Variants in DOCK1 observed in about 807,000 individuals in gnomAD.
The protein encoded by DOCK1 is dedicator of cytokinesis 1.
A neutral mutation model predicts 262.7 loss-of-function variants in DOCK1; 138 were observed. The ratio of observed to expected loss-of-function variants is 0.53; its 90% confidence interval spans 0.46 to 0.61. DOCK1 has a LOEUF of 0.61. DOCK1 is among the 20% of genes least tolerant of loss of function. The pLI is 0.00. For synonymous variants in DOCK1, 866 were observed against 867.4 expected (o/e 1.00, Z 0.03); for missense variants, 1,908 against 2,370.7 (o/e 0.80, Z 4.05).
intron 2 of DOCK1, among the ~76,000 whole-genome samples, chr10:126,973,233 G>GTT (rs11354019): frequency 4.9e-5 from 7 of 144,256 alleles, no homozygotes; most frequent in Admixed American, 6.9e-5. Flanking sequence ...TGTGGTGGTG[G>GTT]TTTTTTTTTT....
intron 23 of DOCK1, among the ~76,000 whole-genome samples, chr10:127,066,249 C>T (rs996397612): frequency 2.0e-5 from 3 of 149,988 alleles, no homozygotes; most frequent in Non-Finnish European, 3.0e-5. Context: ...CAGTCAGCCT[C>T]GGAATTCCCT....
chr10:126,931,358 G>A (rs1156866881), intron 1 of DOCK1, among the ~76,000 whole-genome samples: 1 of 152,178 alleles, frequency 6.6e-6, no homozygotes, highest in African/African-American at 2.4e-5. Context: ...AGGTTTGGAG[G>A]GGTGAAGACA....
At chr10:127,181,742 G>A (rs553460545) in intron 27 of DOCK1, among the ~76,000 whole-genome samples, 3 of 152,220 alleles carry the variant, frequency 2.0e-5, no homozygotes, top group East Asian at 1.9e-4. Context: ...CTTCACCACC[G>A]GCTTCCACCG....
intron 23 of DOCK1, among the ~76,000 whole-genome samples, chr10:127,068,499 A>G (rs1004500158): frequency 1.7e-4 from 13 of 77,542 alleles, no homozygotes; most frequent in Non-Finnish European, 3.3e-4. Context: ...GATTTTCATA[A>G]AGGTATCAAG....
intron 28 of DOCK1, among the ~76,000 whole-genome samples, chr10:127,256,515 T>C (rs1258587280): frequency 6.6e-6 from 1 of 152,224 alleles, no homozygotes; most frequent in Non-Finnish European, 1.5e-5. Context: ...CTACCAGGGA[T>C]GTGTGCTTTT....
chr10:127,315,070 A>G (rs1368604601), intron 29 of DOCK1, among the ~76,000 whole-genome samples: 5 of 152,052 alleles, frequency 3.3e-5, no homozygotes, highest in African/African-American at 1.2e-4. Flanking sequence ...GAAACCTGGG[A>G]GGCTCCTCGT....
intron 23 of DOCK1, among the ~76,000 whole-genome samples, chr10:127,092,449 G>A (rs1022225035): frequency 2.0e-5 from 3 of 152,196 alleles, no homozygotes; most frequent in African/African-American, 4.8e-5. Context: ...ACATGGGTCC[G>A]ATTGCTTCTC....
intron 38 of DOCK1, among the ~76,000 whole-genome samples, chr10:127,394,501 C>A (rs1005794004): frequency 6.6e-6 from 1 of 152,060 alleles, no homozygotes; most frequent in Non-Finnish European, 1.5e-5. Context: ...CCTTTGGAAA[C>A]ACAGTTGTTA....
intron 10 of DOCK1, among the ~76,000 whole-genome samples, chr10:127,006,134 C>A (rs1438342108): frequency 6.6e-6 from 1 of 152,186 alleles, no homozygotes; most frequent in Non-Finnish European, 1.5e-5. Context: ...CAGGCCAGCC[C>A]CTGCAGCGGA....
chr10:127,189,359 G>A (rs1396130247), intron 27 of DOCK1, among the ~76,000 whole-genome samples: 1 of 152,206 alleles, frequency 6.6e-6, no homozygotes, highest in Non-Finnish European at 1.5e-5. Context: ...CCTGCCCAGT[G>A]CAGTGTGGGG....
At chr10:127,299,581 G>C (rs1422432032) in intron 29 of DOCK1, among the ~76,000 whole-genome samples, 3 of 152,176 alleles carry the variant, frequency 2.0e-5, no homozygotes, top group African/African-American at 4.8e-5. Context: ...TCTTCCAGAC[G>C]GGCTTCAGAG....
chr10:127,439,353 T>G, intron 49 of DOCK1, 128 bp downstream of exon 49: 2 of 971,886 alleles, frequency 2.1e-6, no homozygotes, highest in Non-Finnish European at 3.0e-6. Flanking sequence ...CTCAGAAACC[T>G]GGGGTCCTCC....
chr10:126,984,898 T>G (rs189798870), intron 4 of DOCK1, among the ~76,000 whole-genome samples: 127 of 152,032 alleles, frequency 8.4e-4, no homozygotes, highest in African/African-American at 2.6e-3. Flanking sequence ...GGAGGCCTGT[T>G]GAACTTATTC....
chr10:127,129,205 G>T (rs945634816), intron 27 of DOCK1, among the ~76,000 whole-genome samples: 1 of 152,044 alleles, frequency 6.6e-6, no homozygotes, highest in African/African-American at 2.4e-5. Flanking sequence ...TTTCCATCCA[G>T]TGAAACAGTT....
chr10:127,100,847 G>A lies in DOCK1; in HGVS notation c.2446-5384G>A, dbSNP rs1485353155. Reference sequence around the variant, plus strand: ...GCGGGCCGGAGTCAGGCTGCAGTGGGAGTGAGGAGGGGTCGTGTGGGAAGT... The same window carrying A: ...GCGGGCCGGAGTCAGGCTGCAGTGGAAGTGAGGAGGGGTCGTGTGGGAAGT... On this transcript the variant is annotated intron_variant, in intron 23 of 51. Coordinates refer to ENST00000623213, the MANE Select transcript of DOCK1 (RefSeq NM_001290223.2). The surrounding 1 kb of genome is among the most constrained non-coding windows in gnomAD (Gnocchi z 5.5). Among the ~76,000 whole-genome samples, 1 of 152,162 alleles carries A rather than the reference G, an allele frequency of 6.6e-6. No homozygotes were observed. Among genetic ancestry groups the A allele is most frequent in the African/African-American group, 2.4e-5 (1 of 41,430 alleles).
At chr10:127,112,117 T>C (rs1359544883) in intron 25 of DOCK1, among the ~76,000 whole-genome samples, 1 of 152,126 alleles carries the variant, frequency 6.6e-6, no homozygotes, top group East Asian at 1.9e-4. Context: ...GTTCAAATGA[T>C]TCTCCTGCCT....
In DOCK1 at chr10:127,000,246, G is replaced by A; in HGVS notation, c.924G>A (p.Glu308=). The stretch of plus-strand genomic sequence containing the variant: ...AGATTGTTCGCGTGGGTCGCATGGA[G>A]CTGAGGGACAACAACACCAGGAAAC... ...VCQIVRVGRM[E]LRDNNTRKLT... Residue 308 remains glutamate, a synonymous_variant, in exon 10 of 52, where the codon GAG becomes GAA. Coordinates refer to ENST00000623213, the MANE Select transcript of DOCK1 (RefSeq NM_001290223.2). 1 of 1,614,068 alleles carries A rather than the reference G, an allele frequency of 6.2e-7. No individual in the cohort carries two copies. The highest frequency in any genetic ancestry group is 8.5e-7 in the Non-Finnish European group (1 of 1,179,902).
rs117294291 is a variant in DOCK1 at position 127,327,012 on chromosome 10, C to T, written c.3045-11994C>T. ...CAGTGGGCTTAAAACATTCAGTAAACCATGCTCCAAACAGATGTGCTGTCA... is the reference window on the plus strand; with the variant it reads ...CAGTGGGCTTAAAACATTCAGTAAATCATGCTCCAAACAGATGTGCTGTCA... On this transcript the variant is annotated intron_variant, in intron 29 of 51. Coordinates refer to ENST00000623213, the MANE Select transcript of DOCK1 (RefSeq NM_001290223.2). Among the ~76,000 whole-genome samples the T allele has an allele frequency of 9.9e-3, 1,502 of 152,312 alleles. 10 individuals carry two copies. The highest frequency in any genetic ancestry group is 0.034 in the Middle Eastern group (10 of 294).
intron 14 of DOCK1, among the ~76,000 whole-genome samples, chr10:127,024,213 CT>C (rs2042658767): frequency 6.6e-5 from 10 of 152,174 alleles, no homozygotes; most frequent in South Asian, 2.1e-4. Flanking sequence ...TCTGGGTGAA[CT>C]CTGTCCAGCA....
Sources: gnomAD v4.1 joint callset for allele counts (sites outside exome capture counted in the v4.1 genomes callset) on GRCh38, gnomAD v4.1.1 for gene constraint, Gnocchi (gnomAD v3.1) non-coding constraint, MANE v1.5 for transcripts, NCBI Gene and HGNC (gene_info 2026-07-23, HGNC 2026-07-21) for gene names.